AP1G2: variants seen among roughly 807,000 people sequenced by gnomAD.
AP1G2 encodes adaptor related protein complex 1 subunit gamma 2, also known as AP-1 complex subunit gamma-like 2.
Under a neutral mutation model 95.8 loss-of-function variants are expected in AP1G2, and 85 were observed. That is an observed-to-expected ratio of 0.89 (90% CI 0.74 to 1.06). AP1G2 has a LOEUF of 1.06. Ranked by LOEUF, AP1G2 falls within the 50% of genes least tolerant of loss-of-function variation. The pLI is 0.00. For missense variants in AP1G2, 967 were observed against 1,005.8 expected (o/e 0.96, Z 0.52); for synonymous variants, 378 against 400.0 (o/e 0.94, Z 0.66).
At chr14:23,562,768 G>A (rs1286464624) in intron 14 of AP1G2, 175 bp from the exon 15 acceptor site, 7 of 664,896 alleles carry the variant, frequency 1.1e-5, no homozygotes, top group Non-Finnish European at 1.7e-5. Context: ...GAGAGAGAGA[G>A]AAAGAAAGAA....
In AP1G2 at chr14:23,560,299, C is replaced by A. The variant is rs962650647; in HGVS notation, c.2113G>T (p.Glu705Ter). ...CAGATGAAATGGGTGACATCACCCTCTGAGAAGTTGGTGGCAGTGATGGTG... is the reference window on the plus strand; with the variant it reads ...CAGATGAAATGGGTGACATCACCCTATGAGAAGTTGGTGGCAGTGATGGTG... Reference protein sequence around the residue: ...LITITATNFSEGDVTHFICQA... With the variant: ...LITITATNFS The change falls in exon 20 of 22, where the codon GAG becomes TAG. Residue 705 changes from glutamate (E) to a stop codon, truncating the protein, a stop_gained. Coordinates refer to ENST00000397120, the MANE Select transcript of AP1G2 (RefSeq NM_003917.5). LOFTEE classifies it high-confidence loss of function. 1.9e-6 allele frequency: 3 copies of A among 1,613,942 alleles called. No homozygotes were observed. The highest frequency in any genetic ancestry group is 2.5e-6 in the Non-Finnish European group (3 of 1,180,040).
chr14:23,561,709 T>C lies in AP1G2; in HGVS notation c.1734-74A>G, dbSNP rs539799869. The C allele has an allele frequency of 2.5e-6, 4 of 1,578,436 alleles. No homozygotes were observed. The East Asian group carries it at 9.1e-5, about 36-fold the overall frequency. ...CACAAGAGGCATCTAGGATGAGGAC[T>C]AGGAATATGGAGCCCTGGGCACATG... On this transcript the variant is annotated intron_variant, in intron 17 of 21. Coordinates refer to ENST00000397120, the MANE Select transcript of AP1G2 (RefSeq NM_003917.5).
rs199538115 is a variant in AP1G2, at chr14:23,566,268, G to T, written c.471+10C>A. The T allele has an allele frequency of 6.2e-7, 1 of 1,613,368 alleles. No individual in the cohort carries two copies. Among genetic ancestry groups the T allele is most frequent in the Non-Finnish European group, 8.5e-7 (1 of 1,179,752 alleles). ...TGCAGGAGCACGTGCCAGGAGTCCCGCCATCTCACCTTCTTGCGCACGTAG... is the reference window on the plus strand; with the variant it reads ...TGCAGGAGCACGTGCCAGGAGTCCCTCCATCTCACCTTCTTGCGCACGTAG... On this transcript the variant is annotated intron_variant, in intron 4 of 21. Coordinates refer to ENST00000397120, the MANE Select transcript of AP1G2 (RefSeq NM_003917.5).
At chr14:23,560,223 C>T in intron 20 of AP1G2, 32 bp downstream of exon 20, 1 of 1,609,940 alleles carries the variant, frequency 6.2e-7, no homozygotes, top group Non-Finnish European at 8.5e-7. Context: ...CTGGAGTCCC[C>T]AGGCCACCTC....
Position 23,564,594 on chromosome 14 carries a change from TGG to T in AP1G2, c.887_888del (p.Thr296AsnfsTer26), listed in dbSNP as rs750308646. On this transcript the variant is annotated frameshift_variant, in exon 9 of 22. Transcript: ENST00000397120. LOFTEE classifies it high-confidence loss of function. ...GNAVLFETVL[T>X]IMDIRSAAGL... The stretch of plus-strand genomic sequence containing the variant: ...CCAGCTGCAGAGCGGATATCCATGA[TGG>T]TGAGTACTGTCTCAAACAGGACCGC... 26 of 1,613,612 alleles carry T rather than the reference TGG, an allele frequency of 1.6e-5. No individual in the cohort carries two copies. The highest frequency in any genetic ancestry group is 2.2e-5 in the Non-Finnish European group (26 of 1,180,000).
At position 23,559,985 on chromosome 14, in the gene AP1G2, C is replaced by A; in HGVS notation, c.2209G>T (p.Gly737Cys). ...APSGNTVPAR[G>C]GLPITQLFRI... ...AAGAGCTGGGTGATAGGAAGGCCACCCCGAGCTGGAACTGTGTTCCCACTG... is the reference window on the plus strand; with the variant it reads ...AAGAGCTGGGTGATAGGAAGGCCACACCGAGCTGGAACTGTGTTCCCACTG... The change falls in exon 21 of 22, where the codon GGT becomes TGT. Residue 737 changes from glycine (G) to cysteine (C), a missense_variant. Coordinates refer to ENST00000397120, the MANE Select transcript of AP1G2 (RefSeq NM_003917.5). The A allele has an allele frequency of 6.2e-7, 1 of 1,613,224 alleles. No individual in the cohort carries two copies. The highest frequency in any genetic ancestry group is 8.5e-7 in the Non-Finnish European group (1 of 1,179,640).
chr14:23,567,593 C>T lies in AP1G2; in HGVS notation c.-6+146G>A. The stretch of plus-strand genomic sequence containing the variant: ...TATTTCTCTCTACCGTTTCCTCCCC[C>T]TACCTGGTACCCCATCCCTAGCTCA... On this transcript the variant is annotated intron_variant, in intron 1 of 21. Transcript: ENST00000397120. This position sits in a 1 kb window ranked among gnomAD's most constrained non-coding sequence, Gnocchi z 5.3. 3.2e-6 allele frequency: 4 copies of T among 1,244,224 alleles called. No homozygotes were observed. The highest frequency in any genetic ancestry group is 4.0e-6 in the Non-Finnish European group (4 of 992,646). 77.1% of individuals were successfully genotyped at this position (1,244,224 alleles called of 1,614,324 possible).
At position 23,561,359 on chromosome 14, in the gene AP1G2, C is replaced by T; in HGVS notation, c.1930G>A (p.Asp644Asn). The part of the protein sequence containing the change: ...SGDVQHPPHL[D>N]PSPGGALVHL... ...ACCAGGGCACCTCCTGGGGAGGGGTCCAGATGGGGAGGATGCTGGACATCC... is the reference window on the plus strand; with the variant it reads ...ACCAGGGCACCTCCTGGGGAGGGGTTCAGATGGGGAGGATGCTGGACATCC... Residue 644 changes from aspartate to asparagine, a missense_variant, in exon 19 of 22, where the codon GAC becomes AAC. Physicochemically the swap from Asp to Asn is conservative, Grantham distance 23 (BLOSUM62 1). Coordinates refer to ENST00000397120, the MANE Select transcript of AP1G2 (RefSeq NM_003917.5). 6.3e-7 allele frequency: 1 copy of T among 1,594,736 alleles called. No homozygotes were observed. The highest frequency in any genetic ancestry group is 1.3e-5 in the African/African-American group (1 of 74,474).
rs368295904 is a variant in AP1G2, at chr14:23,564,159, C to A, written c.978G>T (p.Arg326Ser). 2.2e-5 allele frequency: 36 copies of A among 1,613,752 alleles called. No homozygotes were observed. In the South Asian group the frequency reaches 3.5e-4, roughly 16 times the overall value. The change falls in exon 11 of 22, where the codon AGG (arginine) becomes AGT (serine). Residue 326 changes from arginine to serine, a missense_variant and splice_region_variant. By Grantham distance (110) the Arg-to-Ser change is moderately radical (BLOSUM62 -1). Transcript: ENST00000397120. ...RFLLNSDRNI[R>S]YVALTSLLRL... ...GAAGCAGTGATGTCAGGGCTACATA[C>A]CTGGTCAGGATGGGGGAGGTTCTAT... is the stretch of plus-strand genomic sequence containing the variant.
Position 23,567,275 on chromosome 14 carries a change from C to T in AP1G2, c.40G>A (p.Glu14Lys), listed in dbSNP as rs773972743. Residue 14 changes from glutamate to lysine, a missense_variant, in exon 2 of 22, where the codon GAG (glutamate) becomes AAG (lysine). Coordinates refer to ENST00000397120, the MANE Select transcript of AP1G2 (RefSeq NM_003917.5). The surrounding 1 kb of genome is among the most constrained non-coding windows in gnomAD (Gnocchi z 5.3). ...GCCTGAGTCTTGGCCCCGCGAATCT[C>T]TTCGATGAGGTCCTGAAGCTTCAGC... ...PSLKLQDLIEEIRGAKTQAQE... is the reference protein window; with the variant it reads ...PSLKLQDLIEKIRGAKTQAQE... The T allele has an allele frequency of 6.2e-7, 1 of 1,613,498 alleles. No homozygotes were observed. The highest frequency in any genetic ancestry group is 8.5e-7 in the Non-Finnish European group (1 of 1,179,774).
At position 23,567,219 on chromosome 14, in the gene AP1G2, A is replaced by G; in HGVS notation, c.96T>C (p.Cys32=). The G allele has an allele frequency of 6.2e-7, 1 of 1,613,108 alleles. No individual in the cohort carries two copies. The highest frequency in any genetic ancestry group is 8.5e-7 in the Non-Finnish European group (1 of 1,179,472). The change falls in exon 2 of 22, where the codon TGT becomes TGC. Residue 32 remains cysteine, a synonymous_variant. Transcript: ENST00000397120. This position sits in a 1 kb window ranked among gnomAD's most constrained non-coding sequence, Gnocchi z 5.3. ...AQEREVIQKE[C]AHIRASFRDG... Reference sequence around the variant, plus strand: ...CGCGGAAGGAGGCCCGGATGTGGGCACACTCCTTTTGGATCACCTCCCGCT... The same window carrying G: ...CGCGGAAGGAGGCCCGGATGTGGGCGCACTCCTTTTGGATCACCTCCCGCT...
At position 23,562,321 on chromosome 14, in the gene AP1G2, A is replaced by G; in HGVS notation, c.1595T>C (p.Met532Thr). 6.2e-7 allele frequency: 1 copy of G among 1,614,180 alleles called. No individual in the cohort carries two copies. The highest frequency in any genetic ancestry group is 8.5e-7 in the Non-Finnish European group (1 of 1,180,006). ...CCCACAGAGGCGAGTGCTGAGCTTCATGAGGGCTGTGAGGGCATATCCTCG... is the reference window on the plus strand; with the variant it reads ...CCCACAGAGGCGAGTGCTGAGCTTCGTGAGGGCTGTGAGGGCATATCCTCG... Reference protein sequence around the residue: ...ATRGYALTALMKLSTRLCGDN... With the variant: ...ATRGYALTALTKLSTRLCGDN... Residue 532 changes from methionine to threonine, a missense_variant, in exon 16 of 22, where the codon ATG (methionine) becomes ACG (threonine). By Grantham distance (81) the Met-to-Thr change is moderately conservative. Transcript: ENST00000397120.
rs1371584503 is a variant in AP1G2, at chr14:23,565,864, G to C, written c.597C>G (p.Ile199Met). 2.5e-6 allele frequency: 4 copies of C among 1,579,332 alleles called. No individual in the cohort carries two copies. The African/African-American group carries it at 5.4e-5, about 21-fold the overall frequency. ...CAGGGCTTCGTTCGCAGAGCTCCGT[G>C]ATCAGCGTGATGGTGCCCAGCAGGA... ...HGILLGTITL[I>M]TELCERSPAA... Residue 199 changes from isoleucine to methionine, a missense_variant, in exon 6 of 22, where the codon ATC becomes ATG. Ile to Met is a conservative substitution (Grantham distance 10, BLOSUM62 1). Transcript: ENST00000397120.
intron 11 of AP1G2, 34 bp downstream of exon 11, chr14:23,564,012 G>T: frequency 1.2e-6 from 2 of 1,612,608 alleles, no homozygotes; most frequent in South Asian, 2.2e-5. Flanking sequence ...GGGAACCTCT[G>T]CCCTGCCCTC....
Position 23,565,131 on chromosome 14 carries a change from G to A in AP1G2, c.810C>T (p.Asp270=), listed in dbSNP as rs1464630537. Residue 270 remains aspartate, a synonymous_variant, in exon 8 of 22, where the codon GAC becomes GAT. Transcript: ENST00000397120. The part of the protein sequence containing the change: ...NHEESSETMN[D]LLAQVATNTD... ...TCCCAGGCCCCACCTGGGCCAGCAA[G>A]TCATTCATGGTCTCACTGCTCTCCT... 3 of 1,614,112 alleles carry A rather than the reference G, an allele frequency of 1.9e-6. No homozygotes were observed. The African/African-American group carries it at 4.0e-5, about 22-fold the overall frequency.
In AP1G2 at chr14:23,562,548, C is replaced by T. The variant is rs1048622348; in HGVS notation, c.1456G>A (p.Asp486Asn). 19 of 1,614,164 alleles carry T rather than the reference C, an allele frequency of 1.2e-5. No individual in the cohort carries two copies. Among genetic ancestry groups the T allele is most frequent in the Non-Finnish European group, 1.4e-5 (16 of 1,180,040 alleles). The change falls in exon 15 of 22, where the codon GAC becomes AAC. Residue 486 changes from aspartate (D) to asparagine (N), a missense_variant. Transcript: ENST00000397120. ...VAAWCIGEYG[D>N]LLLAGNCEEI... is the part of the protein sequence containing the mutation. ...TCGCAGTTCCCTGCCAGCAGGAGGT[C>T]CCCATACTCCCCAATGCACCAGGCT...
intron 14 of AP1G2, 164 bp from the exon 15 acceptor site, chr14:23,562,757 AG>A: frequency 2.1e-4 from 115 of 536,840 alleles, no homozygotes; most frequent in Non-Finnish European, 2.8e-4. Context: ...AAAAAAAAAA[AG>A]AGAGAGAGAG....
rs867653557 is a variant in AP1G2, at chr14:23,567,149, A to G, written c.166T>C (p.Tyr56His). The change falls in exon 2 of 22, where the codon TAC (tyrosine) becomes CAC (histidine). Residue 56 changes from tyrosine (Y) to histidine (H), a missense_variant. Physicochemically the swap from Tyr to His is moderately conservative, Grantham distance 83. Transcript: ENST00000397120. The surrounding 1 kb of genome is among the most constrained non-coding windows in gnomAD (Gnocchi z 5.3). ...HRHRQLAKLL[Y>H]VHMLGYPAHF... is the part of the protein sequence containing the mutation. ...GCGGGGTAGCCCAACATGTGGACGT[A>G]GAGCAGTTTGGCCAGCTGCCGGTGC... The G allele has an allele frequency of 8.7e-6, 14 of 1,612,966 alleles. No homozygotes were observed. The Middle Eastern group carries it at 1.7e-3, about 190-fold the overall frequency.
At position 23,561,407 on chromosome 14, in the gene AP1G2, C is replaced by G; in HGVS notation, c.1882G>C (p.Asp628His). The G allele has an allele frequency of 6.2e-7, 1 of 1,608,116 alleles. No homozygotes were observed. Among genetic ancestry groups the G allele is most frequent in the Non-Finnish European group, 8.5e-7 (1 of 1,176,116 alleles). The change falls in exon 19 of 22, where the codon GAT becomes CAT. Residue 628 changes from aspartate (D) to histidine (H), a missense_variant. Coordinates refer to ENST00000397120, the MANE Select transcript of AP1G2 (RefSeq NM_003917.5). The stretch of plus-strand genomic sequence containing the variant: ...TCCCCAGAAGCCCCATCCAGGAGAT[C>G]TAGCAGATCCAGGAGCTGTGAGGCC... ...PQASQLLDLL[D>H]LLDGASGDVQ...
Sources: allele counts gnomAD v4.1 joint callset, GRCh38; gene constraint gnomAD v4.1.1; non-coding constraint Gnocchi (gnomAD v3.1); transcripts MANE v1.5; gene names NCBI Gene and HGNC (gene_info 2026-07-23, HGNC 2026-07-21).